Variants in NREP observed in about 807,000 individuals in gnomAD.
NREP encodes neuronal regeneration related protein, also known as neuronal regeneration-related protein.
NREP carries 5 observed loss-of-function variants against 8.6 expected under a neutral mutation model. The ratio of observed to expected loss-of-function variants is 0.58; its 90% CI spans 0.30 to 1.22. NREP has a LOEUF of 1.22. Among genes scored for constraint, NREP ranks in the 50% most tolerant of loss-of-function variants. NREP has a pLI of 0.07. For missense variants in NREP, 86 were observed against 82.5 expected (o/e 1.04, Z -0.17); for synonymous variants, 27 against 28.0 (o/e 0.96, Z 0.11).
At chr5:111,907,199 T>C (rs771020705) in intron 2 of NREP, among the ~76,000 whole-genome samples, 14 of 152,148 alleles carry the variant, frequency 9.2e-5, no homozygotes, top group Admixed American at 2.6e-4. Context: ...TTTTATGAAG[T>C]CTGGCATCAA....
chr5:111,759,297 A>G (rs1561655266), upstream of NREP, among the ~76,000 whole-genome samples: 1 of 152,216 alleles, frequency 6.6e-6, no homozygotes, highest in Non-Finnish European at 1.5e-5. Flanking sequence ...TTTGTTCAAA[A>G]GCTGCTTCTA....
At chr5:111,911,233 T>C (rs1210514595) in intron 2 of NREP, among the ~76,000 whole-genome samples, 1 of 152,138 alleles carries the variant, frequency 6.6e-6, no homozygotes, top group East Asian at 1.9e-4. Flanking sequence ...ATATCATATC[T>C]GCATCCAGAG....
chr5:111,901,761 C>G (rs1346068234), intron 2 of NREP, among the ~76,000 whole-genome samples: 1 of 151,856 alleles, frequency 6.6e-6, no homozygotes, highest in Non-Finnish European at 1.5e-5. Flanking sequence ...AAGTGAAAAC[C>G]TCAAAATTGA....
At chr5:111,888,445 G>A (rs1282040153) in intron 2 of NREP, among the ~76,000 whole-genome samples, 1 of 152,062 alleles carries the variant, frequency 6.6e-6, no homozygotes, top group Non-Finnish European at 1.5e-5. Context: ...AGCAAAGGGG[G>A]AAGCCCCTTA....
At chr5:111,829,167 G>A (rs1581147763) in intron 2 of NREP, among the ~76,000 whole-genome samples, 1 of 152,258 alleles carries the variant, frequency 6.6e-6, no homozygotes, top group East Asian at 1.9e-4. Context: ...AAGACACAGA[G>A]ATGAGGTTGC....
At chr5:111,906,018 A>T (rs564827693) in intron 2 of NREP, among the ~76,000 whole-genome samples, 1 of 152,196 alleles carries the variant, frequency 6.6e-6, no homozygotes, top group Admixed American at 6.6e-5. Flanking sequence ...TATAATCAAG[A>T]AAACAAAGAT....
chr5:111,863,091 A>G (rs1470631321), intron 2 of NREP, among the ~76,000 whole-genome samples: 1 of 151,914 alleles, frequency 6.6e-6, no homozygotes, highest in Non-Finnish European at 1.5e-5. Context: ...CAAGAGGAGC[A>G]AGAATTAACC....
At chr5:111,736,173 C>A (rs2112794743) in intron 2 of NREP, among the ~76,000 whole-genome samples, 1 of 152,246 alleles carries the variant, frequency 6.6e-6, no homozygotes, top group East Asian at 1.9e-4. Context: ...GGTTGCCGAC[C>A]AGCTGTTCTC....
chr5:111,760,007 A>C (rs1398059406), upstream of NREP, among the ~76,000 whole-genome samples: 2 of 152,208 alleles, frequency 1.3e-5, no homozygotes, highest in African/African-American at 4.8e-5. Context: ...CTGATTGATC[A>C]TTTAGGGCAC....
intron 2 of NREP, among the ~76,000 whole-genome samples, chr5:111,903,539 CCTAA>C (rs1754702873): frequency 6.6e-6 from 1 of 152,052 alleles, no homozygotes; most frequent in Admixed American, 6.6e-5. Flanking sequence ...ATTTTTTCTA[CCTAA>C]CTGATTTTCA....
intron 2 of NREP, among the ~76,000 whole-genome samples, chr5:111,838,709 A>G (rs1311040693): frequency 6.6e-6 from 1 of 151,832 alleles, no homozygotes; most frequent in Non-Finnish European, 1.5e-5. Flanking sequence ...ATGATGATAT[A>G]TATATATGTG....
intron 2 of NREP, among the ~76,000 whole-genome samples, chr5:111,833,057 T>G (rs913087234): frequency 6.6e-6 from 1 of 152,228 alleles, no homozygotes; most frequent in Non-Finnish European, 1.5e-5. Context: ...GTACTACTTG[T>G]GCAGAAGTCA....
At chr5:111,803,867 T>A (rs1752074231) in intron 2 of NREP, among the ~76,000 whole-genome samples, 1 of 152,172 alleles carries the variant, frequency 6.6e-6, no homozygotes, top group Non-Finnish European at 1.5e-5. Context: ...TCCTCCTCAG[T>A]GACACAAAAG....
intron 2 of NREP, among the ~76,000 whole-genome samples, chr5:111,839,442 A>G (rs1371097122): frequency 6.6e-6 from 1 of 152,136 alleles, no homozygotes; most frequent in East Asian, 1.9e-4. Flanking sequence ...GAAATCAGCT[A>G]TTAAATGGAT....
intron 2 of NREP, among the ~76,000 whole-genome samples, chr5:111,914,704 T>G (rs1755005730): frequency 6.6e-6 from 1 of 152,106 alleles, no homozygotes; most frequent in African/African-American, 2.4e-5. Context: ...ATCCTTTGTC[T>G]CAGTGTTAAT....
chr5:111,893,638 T>A (rs894624157), intron 2 of NREP, among the ~76,000 whole-genome samples: 7 of 150,302 alleles, frequency 4.7e-5, no homozygotes, highest in African/African-American at 1.7e-4. Flanking sequence ...CTTAACCAAT[T>A]AACAAGTTAA....
chr5:111,976,911 G>A, exon 1 of NREP: 1 of 565,392 alleles, frequency 1.8e-6, no homozygotes, highest in South Asian at 2.2e-5. Context: ...ATTCCTTCTA[G>A]ATGCTGGCAA....
At chr5:111,864,518 TAATGAAAAAGCAG>T (rs2112486215) in intron 2 of NREP, among the ~76,000 whole-genome samples, 1 of 152,178 alleles carries the variant, frequency 6.6e-6, no homozygotes, top group South Asian at 2.1e-4. Flanking sequence ...GACATACATA[TAATGAAAAAGCAG>T]ATAGACAGTA....
At chr5:111,751,505 T>C (rs971930665) in intron 2 of NREP, among the ~76,000 whole-genome samples, 1 of 152,228 alleles carries the variant, frequency 6.6e-6, no homozygotes, top group Non-Finnish European at 1.5e-5. Context: ...TTAGCAATCA[T>C]AATTTCTACA....
Sources: gnomAD v4.1 joint callset for allele counts (sites outside exome capture counted in the v4.1 genomes callset) on GRCh38, gnomAD v4.1.1 for gene constraint, MANE v1.5 for transcripts, NCBI Gene and HGNC (gene_info 2026-07-23, HGNC 2026-07-21) for gene names.